PHF12: variants seen among roughly 807,000 people sequenced by gnomAD.
PHF12 encodes PHD finger protein 12, also known as PHD factor 1.
A neutral mutation model predicts 99.8 loss-of-function variants in PHF12; 6 were observed. That is an observed-to-expected ratio of 0.06 (90% CI 0.03 to 0.12). PHF12 has a LOEUF of 0.12. Ranked by LOEUF, PHF12 falls within the 10% of genes least tolerant of loss-of-function variation. PHF12 has a pLI of 1.00. For synonymous variants in PHF12, 480 were observed against 514.9 expected, an observed-to-expected ratio of 0.93 and a Z score of 0.92; for missense variants, 954 against 1,300.1, an observed-to-expected ratio of 0.73 and a Z score of 4.09.
intron 3 of PHF12, chr17:28,925,312 G>A (rs539942609): frequency 6.6e-6 from 1 of 152,338 alleles, no homozygotes; most frequent in African/African-American, 2.4e-5. Context: ...GGATATGGTG[G>A]AGGGAGATAA....
intron 2 of PHF12, among the ~76,000 whole-genome samples, chr17:28,948,337 A>G (rs1704638340): frequency 6.6e-6 from 1 of 152,270 alleles, no homozygotes; most frequent in African/African-American, 2.4e-5. Context: ...AACACAACGT[A>G]TATTCAGGCA....
At position 28,912,101 on chromosome 17, in the gene PHF12, C is replaced by CGCA. The variant is rs1004358262; in HGVS notation, c.2089+378_2089+380dup. On this transcript the variant is annotated intron_variant, in intron 9 of 14. Transcript: ENST00000332830. ...GGATCTGACAATACTGAGGCCATCA[C>CGCA]GCAGAACCTCAGGCTGATCATAGTA... The CGCA allele has an allele frequency of 5.8e-6, 6 of 1,037,696 alleles. No homozygotes were observed. The African/African-American group carries it at 1.0e-4, about 18-fold the overall frequency. The allele number at this position is 1,037,696 out of a possible 1,614,324, so 64.3% of individuals were successfully genotyped here.
chr17:28,941,521 A>T (rs1327934305), intron 2 of PHF12, among the ~76,000 whole-genome samples: 1 of 152,200 alleles, frequency 6.6e-6, no homozygotes, highest in Non-Finnish European at 1.5e-5. Flanking sequence ...TATACAAACA[A>T]CTTTTTGTTC....
intron 2 of PHF12, among the ~76,000 whole-genome samples, chr17:28,938,123 T>C (rs143575411): frequency 2.0e-5 from 3 of 152,354 alleles, no homozygotes; most frequent in African/African-American, 7.2e-5. Flanking sequence ...AGCTCAGGAA[T>C]GTGGGCCAGT....
In PHF12 at chr17:28,923,651, C is replaced by CAAAAAAGAAAAAAAAAAAAAAAA. The variant is rs1491183033; in HGVS notation, c.715+257_715+258insTTTTTTTTTTTTTTTTCTTTTTT. On this transcript the variant is annotated intron_variant, in intron 4 of 14. Coordinates refer to ENST00000332830, the MANE Select transcript of PHF12 (RefSeq NM_001033561.2). ...CTAGCCTGAGTGACAAAGTGAGACT[C>CAAAAAAGAAAAAAAAAAAAAAAA]ACAAAAAAAAAAAAAAAAAAAAAAG... Among the ~76,000 whole-genome samples, 2 of 21,958 alleles carry CAAAAAAGAAAAAAAAAAAAAAAA rather than the reference C, an allele frequency of 9.1e-5. 1 individual carries two copies. The highest frequency in any genetic ancestry group is 1.3e-3 in the Admixed American group (2 of 1,504). The allele number at this position is 21,958 out of a possible 152,430, so 14.4% of individuals were successfully genotyped here.
Position 28,910,179 on chromosome 17 carries a change from G to A in PHF12, c.2359+47C>T, listed in dbSNP as rs770312014. 12 of 1,613,612 alleles carry A rather than the reference G, an allele frequency of 7.4e-6. 1 individual carries two copies. Among genetic ancestry groups the A allele is most frequent in the South Asian group, 6.6e-5 (6 of 91,072 alleles). On this transcript the variant is annotated intron_variant, in intron 11 of 14. Transcript: ENST00000332830. ...GGAGGCAAGGTGACCATTCGCACAC[G>A]TAGAGGGGAGATCTGATGATGTGGT...
rs1181961620 is a variant in PHF12 at position 28,930,596 on chromosome 17, T to C, written c.249-3533A>G. Among the ~76,000 whole-genome samples, 3 of 152,378 alleles carry C rather than the reference T, an allele frequency of 2.0e-5. No homozygotes were observed. In the East Asian group the frequency reaches 5.8e-4, roughly 29 times the overall value. On this transcript the variant is annotated intron_variant, in intron 2 of 14. Transcript: ENST00000332830. ...ACAGAAGAGGAGTCCAAGTCCATAC[T>C]GGCAAGCCTGTACTTACTGAACCAT...
intron 2 of PHF12, 106 bp from the exon 3 acceptor site, chr17:28,927,169 G>T: frequency 1.0e-6 from 1 of 991,788 alleles, no homozygotes; most frequent in Non-Finnish European, 1.5e-6. Context: ...GGCCAGTCCT[G>T]CAGGACTGCT....
chr17:28,938,525 G>C (rs1290432417), intron 2 of PHF12, among the ~76,000 whole-genome samples: 2 of 152,072 alleles, frequency 1.3e-5, no homozygotes, highest in African/African-American at 4.8e-5. Context: ...ACCGCACCCA[G>C]CCTGAGAGCA....
At chr17:28,909,015 C>T (rs924443790) in intron 11 of PHF12, 134 bp from the exon 12 acceptor site, 1 of 791,512 alleles carries the variant, frequency 1.3e-6, no homozygotes, top group Non-Finnish European at 2.1e-6. Context: ...TCCAAACTCA[C>T]ATCCAACACT....
intron 2 of PHF12, among the ~76,000 whole-genome samples, chr17:28,946,364 A>C (rs911337799): frequency 6.6e-6 from 1 of 152,210 alleles, no homozygotes; most frequent in Non-Finnish European, 1.5e-5. Context: ...GAAAACCCAG[A>C]AATAGGTTCC....
chr17:28,924,230 G>A lies in PHF12; in HGVS notation c.394C>T (p.Pro132Ser). 1 of 1,614,182 alleles carries A rather than the reference G, an allele frequency of 6.2e-7. No individual in the cohort carries two copies. The highest frequency in any genetic ancestry group is 8.5e-7 in the Non-Finnish European group (1 of 1,180,034). ...TCCAACAAGTCAGTGTCACTGCTGG[G>A]GGATGTAGTCCGTTTGCCAGATTTG... is the stretch of plus-strand genomic sequence containing the variant. ...VDKSGKRTTS[P>S]SSDTDLLDRS... The change falls in exon 4 of 15, where the codon CCC (proline) becomes TCC (serine). Residue 132 changes from proline (P) to serine (S), a missense_variant. This residue lies in a region of PHF12 where 109 missense variants were observed against 145.4 expected (regional missense o/e 0.75). Coordinates refer to ENST00000332830, the MANE Select transcript of PHF12 (RefSeq NM_001033561.2).
intron 2 of PHF12, among the ~76,000 whole-genome samples, chr17:28,928,610 C>T (rs1264758731): frequency 6.6e-6 from 1 of 151,988 alleles, no homozygotes; most frequent in Admixed American, 6.6e-5. Context: ...GGTGAAACCC[C>T]ATCTCTATTA....
At chr17:28,914,327 G>C (rs1309120825) in intron 7 of PHF12, among the ~76,000 whole-genome samples, 2 of 152,118 alleles carry the variant, frequency 1.3e-5, no homozygotes, top group Non-Finnish European at 2.9e-5. Context: ...GGTACTCTGG[G>C]TTCTTATTGC....
intron 11 of PHF12, 97 bp downstream of exon 11, chr17:28,910,129 G>A (rs528096842): frequency 1.4e-5 from 21 of 1,551,226 alleles, no homozygotes; most frequent in East Asian, 2.2e-5. Context: ...GGAGGTTTGA[G>A]ATACTGGAAG....
rs747921068 is a variant in PHF12, at chr17:28,950,297, T to C, written c.67-51A>G. 4.0e-5 allele frequency: 61 copies of C among 1,538,358 alleles called. No individual in the cohort carries two copies. Among genetic ancestry groups the C allele is most frequent in the Admixed American group, 7.7e-5 (4 of 52,002 alleles). On this transcript the variant is annotated intron_variant, in intron 1 of 14. Coordinates refer to ENST00000332830, the MANE Select transcript of PHF12 (RefSeq NM_001033561.2). The surrounding 1 kb of genome is among the most constrained non-coding windows in gnomAD (Gnocchi z 5.7). ...GTGCACACTCGGAGCTCCCGGGCGG[T>C]CCGTCGCCCCCCCGGCGCGGTTTCT... is the stretch of plus-strand genomic sequence containing the variant.
At chr17:28,922,854 G>A (rs111689366) in intron 4 of PHF12, among the ~76,000 whole-genome samples, 3,808 of 152,128 alleles carry the variant, frequency 0.025, 158 homozygotes, top group African/African-American at 0.083. Flanking sequence ...CCTCTGAGGC[G>A]GGAGGATCGT....
chr17:28,940,717 ATTC>A (rs1298601218), intron 2 of PHF12, among the ~76,000 whole-genome samples: 1 of 152,234 alleles, frequency 6.6e-6, no homozygotes, highest in Non-Finnish European at 1.5e-5. Context: ...TCACATTCTC[ATTC>A]TTCTTAACTG....
chr17:28,911,014 G>A (rs75491281), intron 10 of PHF12, 98 bp downstream of exon 10: 79,310 of 1,538,222 alleles, frequency 0.052, 2,469 homozygotes, highest in Middle Eastern at 0.058. Context: ...CTGGGATCAG[G>A]TGTCCCTTCC....
Sources: allele counts gnomAD v4.1 joint callset (sites outside exome capture counted in the v4.1 genomes callset), GRCh38; gene constraint gnomAD v4.1.1; regional missense constraint gnomAD v4.1.1; non-coding constraint Gnocchi (gnomAD v3.1); transcripts MANE v1.5; gene names NCBI Gene and HGNC (gene_info 2026-07-23, HGNC 2026-07-21).